The following CLSTN2 variants were observed in gnomAD, a reference collection of about 807,000 sequenced individuals.
The protein encoded by CLSTN2 is calsyntenin 2.
Under a neutral mutation model 101.2 loss-of-function variants are expected in CLSTN2, and 48 were observed. That is an observed-to-expected ratio of 0.47 (90% CI 0.38 to 0.60). CLSTN2 has a LOEUF of 0.60. Ranked by LOEUF, CLSTN2 falls within the 20% of genes least tolerant of loss-of-function variation. The probability of loss-of-function intolerance (pLI) is 0.00; values close to 1 mark genes in which losing one functional copy is unlikely to be tolerated. For missense variants in CLSTN2, 1,160 were observed against 1,238.2 expected (o/e 0.94, Z 0.95); for synonymous variants, 481 against 463.6 (o/e 1.04, Z -0.48).
At chr3:140,561,729 C>A (rs1285207746) in intron 12 of CLSTN2, among the ~76,000 whole-genome samples, 1 of 152,148 alleles carries the variant, frequency 6.6e-6, no homozygotes, top group East Asian at 1.9e-4. Context: ...AGGCCACTTA[C>A]CTCTACCCAA....
intron 1 of CLSTN2, among the ~76,000 whole-genome samples, chr3:140,121,264 C>T (rs527550418): frequency 6.6e-5 from 10 of 152,204 alleles, no homozygotes; most frequent in African/African-American, 1.9e-4. Context: ...GAGTGTACCA[C>T]GGGAAGAGAG....
intron 1 of CLSTN2, among the ~76,000 whole-genome samples, chr3:140,076,200 T>G (rs180952766): frequency 2.0e-5 from 3 of 152,360 alleles, no homozygotes; most frequent in Admixed American, 2.0e-4. Flanking sequence ...AGCATAATGT[T>G]CTTCGCGTTC....
chr3:140,457,558 T>G (rs1404482296), intron 6 of CLSTN2, among the ~76,000 whole-genome samples: 2 of 152,212 alleles, frequency 1.3e-5, no homozygotes, highest in African/African-American at 4.8e-5. Context: ...CAGCAAAGAT[T>G]TTATTGGCAA....
At position 140,459,549 on chromosome 3, in the gene CLSTN2, G is replaced by A; in HGVS notation, c.1002G>A (p.Leu334=). ...CGASSGIIDL[L]PSPSAATNWT... is the part of the protein sequence containing the mutation. ...CCTCCTCTGGCATCATTGACCTCTT[G>A]CCATCCCCTAGCGCTGCCACCAACT... is the stretch of plus-strand genomic sequence containing the variant. Residue 334 remains leucine, a synonymous_variant, in exon 7 of 17, where the codon TTG becomes TTA. Coordinates refer to ENST00000458420, the MANE Select transcript of CLSTN2 (RefSeq NM_022131.3). 6.2e-7 allele frequency: 1 copy of A among 1,614,014 alleles called. No individual in the cohort carries two copies. The highest frequency in any genetic ancestry group is 8.5e-7 in the Non-Finnish European group (1 of 1,179,980).
chr3:140,025,089 A>G (rs2007391270), intron 1 of CLSTN2, among the ~76,000 whole-genome samples: 1 of 152,200 alleles, frequency 6.6e-6, no homozygotes, highest in Non-Finnish European at 1.5e-5. Flanking sequence ...CTCCCTGGCC[A>G]GGAACCTTGC....
chr3:140,393,291 T>C (rs1379643097), intron 2 of CLSTN2, among the ~76,000 whole-genome samples: 1 of 152,238 alleles, frequency 6.6e-6, no homozygotes, highest in South Asian at 2.1e-4. Context: ...TTCCAAAGAT[T>C]TTACCTGTCA....
chr3:140,421,092 C>A (rs753905571), intron 4 of CLSTN2, 33 bp from the exon 5 acceptor site: 94 of 1,604,970 alleles, frequency 5.9e-5, no homozygotes, highest in Non-Finnish European at 1.1e-5. Flanking sequence ...GTTAAATTGA[C>A]CTGAAATGCT....
At chr3:140,238,806 C>G (rs1223168301) in intron 2 of CLSTN2, among the ~76,000 whole-genome samples, 2 of 152,134 alleles carry the variant, frequency 1.3e-5, no homozygotes, top group Non-Finnish European at 2.9e-5. Context: ...TTTAAAAAGA[C>G]TATTTCAAGA....
intron 2 of CLSTN2, among the ~76,000 whole-genome samples, chr3:140,337,827 A>T (rs1168701607): frequency 1.3e-5 from 2 of 152,216 alleles, no homozygotes; most frequent in Non-Finnish European, 2.9e-5. Flanking sequence ...TTGGATACTA[A>T]TTGAGCCCTT....
At chr3:139,991,754 G>T (rs1157655295) in intron 1 of CLSTN2, among the ~76,000 whole-genome samples, 2 of 152,222 alleles carry the variant, frequency 1.3e-5, no homozygotes, top group East Asian at 3.8e-4. Context: ...AACAGAGAAA[G>T]AATTTGTAGG....
At chr3:139,976,167 G>C (rs1334196061) in intron 1 of CLSTN2, among the ~76,000 whole-genome samples, 2 of 152,218 alleles carry the variant, frequency 1.3e-5, no homozygotes, top group African/African-American at 4.8e-5. Context: ...AGACTAGCCT[G>C]TAGATTATAG....
intron 2 of CLSTN2, among the ~76,000 whole-genome samples, chr3:140,242,752 A>G (rs1262955017): frequency 1.3e-5 from 2 of 152,170 alleles, no homozygotes; most frequent in African/African-American, 4.8e-5. Flanking sequence ...CACAGAGGCA[A>G]TGGGGCCTGA....
intron 1 of CLSTN2, among the ~76,000 whole-genome samples, chr3:140,136,412 T>C (rs1419414740): frequency 6.6e-6 from 1 of 152,226 alleles, no homozygotes; most frequent in Non-Finnish European, 1.5e-5. Context: ...GTAGGAATTG[T>C]CCTACGGATT....
intron 5 of CLSTN2, among the ~76,000 whole-genome samples, chr3:140,427,207 G>GTA (rs1301184422): frequency 0.061 from 5,167 of 84,678 alleles, 190 homozygotes; most frequent in East Asian, 0.18. Flanking sequence ...ATATATATGT[G>GTA]TATATATATA....
At chr3:140,171,858 A>G (rs2010240643) in intron 1 of CLSTN2, among the ~76,000 whole-genome samples, 1 of 118,866 alleles carries the variant, frequency 8.4e-6, no homozygotes, top group South Asian at 2.3e-4. Flanking sequence ...TATATATATT[A>G]TATAATAACA....
At chr3:140,076,641 T>TTTG (rs1226167655) in intron 1 of CLSTN2, among the ~76,000 whole-genome samples, 1 of 143,574 alleles carries the variant, frequency 7.0e-6, no homozygotes, top group African/African-American at 2.7e-5. Context: ...TTTTTTTTTT[T>TTTG]TTTTTTTTTT....
At chr3:140,390,116 C>A (rs1475932058) in intron 2 of CLSTN2, among the ~76,000 whole-genome samples, 1 of 149,520 alleles carries the variant, frequency 6.7e-6, no homozygotes, top group Non-Finnish European at 1.5e-5. Context: ...ATAACATATT[C>A]AAATTCCTTA....
At chr3:140,258,787 A>G (rs978276352) in intron 2 of CLSTN2, among the ~76,000 whole-genome samples, 3 of 152,182 alleles carry the variant, frequency 2.0e-5, no homozygotes, top group Non-Finnish European at 4.4e-5. Flanking sequence ...GACACTGGCC[A>G]TATAATTATC....
At chr3:140,038,659 C>T (rs1439703933) in intron 1 of CLSTN2, among the ~76,000 whole-genome samples, 3 of 151,982 alleles carry the variant, frequency 2.0e-5, no homozygotes, top group South Asian at 2.1e-4. Context: ...ATGTCATTAT[C>T]GCTCCTAAAA....
Sources: allele counts gnomAD v4.1 joint callset (sites outside exome capture counted in the v4.1 genomes callset), GRCh38; gene constraint gnomAD v4.1.1; transcripts MANE v1.5; gene names NCBI Gene and HGNC (gene_info 2026-07-23, HGNC 2026-07-21).